LPA: variants seen among roughly 807,000 people sequenced by gnomAD.
LPA encodes the protein apolipoprotein(a).
In LPA, 199 loss-of-function variants were observed where a neutral mutation model predicts 197.9. The ratio of observed to expected loss-of-function variants is 1.01; its 90% confidence interval spans 0.90 to 1.13. The LOEUF (loss-of-function observed/expected upper bound fraction) is 1.13. Among genes scored for constraint, LPA ranks in the 50% most tolerant of loss-of-function variants. The pLI, the probability that LPA is intolerant of heterozygous loss-of-function variation, is 0.00. For missense variants in LPA, 1,853 were observed against 1,785.8 expected, an observed-to-expected ratio of 1.04 and a Z score of -0.68; for synonymous variants, 715 against 639.5, an observed-to-expected ratio of 1.12 and a Z score of -1.78.
rs535276500 is a variant in LPA at position 160,594,096 on chromosome 6, C to G, written c.3491G>C (p.Gly1164Ala). The part of the protein sequence containing the change: ...SEEAPTEQSP[G>A]VQDCYHGDGQ... ...ATCACCATGGTAGCAATCCTGGACC[C>G]CGGGGCTTTGCTCCGTTGGTGCTGA... Residue 1164 changes from glycine to alanine, a missense_variant, in exon 22 of 39, where the codon GGG becomes GCG. Physicochemically the swap from Gly to Ala is moderately conservative, Grantham distance 60. Around this residue, in one of 3 missense-constraint regions of LPA, gnomAD observed 1,737 missense variants for 1,504.4 expected, o/e 1.15. Transcript: ENST00000316300. 7.9e-5 allele frequency: 127 copies of G among 1,613,818 alleles called. No homozygotes were observed. The African/African-American group carries it at 1.5e-3, about 19-fold the overall frequency.
chr6:160,587,026 C>T (rs756967605), intron 24 of LPA, among the ~76,000 whole-genome samples: 9 of 152,172 alleles, frequency 5.9e-5, no homozygotes, highest in Non-Finnish European at 1.3e-4. Flanking sequence ...CTGTAAGTCT[C>T]TATAAAACTG....
chr6:160,634,092 T>C (rs1238459739), intron 7 of LPA, among the ~76,000 whole-genome samples, 180 bp from the exon 8 acceptor site: 1 of 137,454 alleles, frequency 7.3e-6, no homozygotes, highest in East Asian at 2.0e-4. Flanking sequence ...TACAGATTCC[T>C]ACCAATCTAG....
rs1272456292 is a variant in LPA, at chr6:160,578,667, C to T, written c.4327G>A (p.Glu1443Lys). 6 of 1,613,824 alleles carry T rather than the reference C, an allele frequency of 3.7e-6. No individual in the cohort carries two copies. The Admixed American group carries it at 6.7e-5, about 18-fold the overall frequency. ...TRNYCRNPDA[E>K]IRPWCYTMDP... is the part of the protein sequence containing the mutation. ...ATGGTGTAACACCAAGGGCGAATCT[C>T]AGCATCTGGATTCCTGCAGTAGTTC... The change falls in exon 27 of 39, where the codon GAG (glutamate) becomes AAG (lysine). Residue 1443 changes from glutamate to lysine, a missense_variant. Around this residue, in one of 3 missense-constraint regions of LPA, gnomAD observed 1,737 missense variants for 1,504.4 expected, o/e 1.15. Coordinates refer to ENST00000316300, the MANE Select transcript of LPA (RefSeq NM_005577.4).
chr6:160,542,553 T>C, intron 34 of LPA, 135 bp downstream of exon 34: 3 of 1,359,512 alleles, frequency 2.2e-6, no homozygotes, highest in Admixed American at 2.5e-5. Flanking sequence ...TTAATTTTTC[T>C]ATATTTTTTC....
intron 24 of LPA, 98 bp downstream of exon 24, chr6:160,589,455 G>C: frequency 7.1e-7 from 1 of 1,414,144 alleles, no homozygotes. Context: ...CTGGGTCTGA[G>C]AGAAATTGGG....
chr6:160,540,297 C>G, intron 35 of LPA, 114 bp from the exon 36 acceptor site: 1 of 1,176,192 alleles, frequency 8.5e-7, no homozygotes, highest in Non-Finnish European at 1.3e-6. Context: ...GAATCAGTGA[C>G]TTATGAGTGG....
rs1039718046 is a variant in LPA at position 160,601,189 on chromosome 6, C to T, written c.2946-91G>A. On this transcript the variant is annotated intron_variant, in intron 18 of 38. Transcript: ENST00000316300. ...GCTACAACAAGGTCATTACTGGTGC[C>T]TTTGAAATATTCCCAAAAGAGATAC... 5 of 1,123,392 alleles carry T rather than the reference C, an allele frequency of 4.5e-6. No homozygotes were observed. In the Admixed American group the frequency reaches 5.2e-5, roughly 12 times the overall value. 69.6% of individuals were successfully genotyped at this position (1,123,392 alleles called of 1,614,324 possible). A position where few individuals can be genotyped will look rare whatever the true frequency, so the allele number is the denominator to read the frequency against.
chr6:160,582,257 T>A (rs1778815916), intron 26 of LPA, among the ~76,000 whole-genome samples: 1 of 152,008 alleles, frequency 6.6e-6, no homozygotes, highest in East Asian at 1.9e-4. Context: ...TCTGACCTGA[T>A]CTTTTCTTCT....
intron 1 of LPA, among the ~76,000 whole-genome samples, chr6:160,658,121 G>A (rs766841696): frequency 2.4e-4 from 37 of 152,220 alleles, no homozygotes; most frequent in South Asian, 4.1e-4. Flanking sequence ...ATGGCAGCAC[G>A]GGTCAGGGAG....
intron 1 of LPA, among the ~76,000 whole-genome samples, chr6:160,663,054 G>A (rs1406467062): frequency 6.6e-6 from 1 of 152,208 alleles, no homozygotes; most frequent in Non-Finnish European, 1.5e-5. Flanking sequence ...AGCTAGCATG[G>A]ACCCCTGAAT....
At position 160,606,640 on chromosome 6, in the gene LPA, G is replaced by A. The variant is rs377521854; in HGVS notation, c.2622C>T (p.Tyr874=). The A allele has an allele frequency of 8.7e-6, 14 of 1,613,906 alleles. No homozygotes were observed. The highest frequency in any genetic ancestry group is 1.2e-5 in the Non-Finnish European group (14 of 1,179,948). The change falls in exon 17 of 39, where the codon TAC becomes TAT. Residue 874 remains tyrosine (Y), a synonymous_variant. Transcript: ENST00000316300. ...CTGCCACAGGATCTGGATTCCTGCA[G>A]TAGTTCATGATCAAGCCACTGGAAA... is the stretch of plus-strand genomic sequence containing the variant. ...YYPNAGLIMN[Y]CRNPDPVAAP... is the part of the protein sequence containing the mutation.
At chr6:160,661,853 C>A (rs773958524) in intron 1 of LPA, among the ~76,000 whole-genome samples, 1 of 152,174 alleles carries the variant, frequency 6.6e-6, no homozygotes, top group Non-Finnish European at 1.5e-5. Flanking sequence ...TCAAAACACA[C>A]AATAAATTAA....
At chr6:160,595,330 G>C in intron 21 of LPA, 24 bp downstream of exon 21, 1 of 1,610,448 alleles carries the variant, frequency 6.2e-7, no homozygotes, top group Non-Finnish European at 8.5e-7. Context: ...CTAGGGTGTG[G>C]TTGTCTGGCC....
chr6:160,603,300 G>A (rs547465052), intron 18 of LPA, among the ~76,000 whole-genome samples: 1 of 151,744 alleles, frequency 6.6e-6, no homozygotes, highest in Non-Finnish European at 1.5e-5. Flanking sequence ...GAGTATGTGT[G>A]TATATGTGTG....
intron 28 of LPA, among the ~76,000 whole-genome samples, chr6:160,573,748 T>TG (rs1306924924): frequency 6.6e-6 from 1 of 152,246 alleles, no homozygotes; most frequent in African/African-American, 2.4e-5. Flanking sequence ...TACTGGGGAC[T>TG]GTCTGTACAG....
intron 26 of LPA, among the ~76,000 whole-genome samples, chr6:160,582,942 T>A (rs1052658624): frequency 6.6e-6 from 1 of 152,176 alleles, no homozygotes; most frequent in Non-Finnish European, 1.5e-5. Flanking sequence ...GTTAGCTTTA[T>A]CATCTGTACT....
chr6:160,647,669 A>T (rs1296834872), intron 2 of LPA, among the ~76,000 whole-genome samples: 2 of 152,202 alleles, frequency 1.3e-5, no homozygotes, highest in African/African-American at 2.4e-5. Flanking sequence ...CTTTGAACCC[A>T]CACATTAACC....
Position 160,557,395 on chromosome 6 carries a change from T to G in LPA, c.4808A>C (p.Glu1603Ala). 6.2e-7 allele frequency: 1 copy of G among 1,612,438 alleles called. No homozygotes were observed. Among genetic ancestry groups the G allele is most frequent in the South Asian group, 1.1e-5 (1 of 90,960 alleles). The change falls in exon 29 of 39, where the codon GAA (glutamate) becomes GCA (alanine). Residue 1603 changes from glutamate to alanine, a missense_variant. Transcript: ENST00000316300. ...VPVPSMEAHS[E>A]AAPTEQTPVV... ...TCTGGCCACAGACTTCTTACCTGCT[T>G]CAGAATGAGCCTCCATGCTTGGAAC...
rs757352277 is a variant in LPA at position 160,606,611 on chromosome 6, G to C, written c.2651C>G (p.Pro884Arg). Reference protein sequence around the residue: ...YCRNPDPVAAPYCYTRDPSVR... With the variant: ...YCRNPDPVAARYCYTRDPSVR... ...ACTGGGATCCCTCGTATAACAATAA[G>C]GGGCTGCCACAGGATCTGGATTCCT... is the stretch of plus-strand genomic sequence containing the variant. Residue 884 changes from proline (P) to arginine (R), a missense_variant, in exon 17 of 39, where the codon CCT (proline) becomes CGT (arginine). Transcript: ENST00000316300. The C allele has an allele frequency of 2.5e-6, 4 of 1,613,868 alleles. No homozygotes were observed. Among genetic ancestry groups the C allele is most frequent in the Admixed American group, 3.3e-5 (2 of 59,998 alleles).
Sources: allele counts gnomAD v4.1 joint callset (sites outside exome capture counted in the v4.1 genomes callset), GRCh38; gene constraint gnomAD v4.1.1; regional missense constraint gnomAD v4.1.1; transcripts MANE v1.5; gene names NCBI Gene and HGNC (gene_info 2026-07-23, HGNC 2026-07-21).